CMSS1: variants seen among roughly 807,000 people sequenced by gnomAD.
The protein encoded by CMSS1 is cms1 ribosomal small subunit homolog, also known as protein CMSS1.
In CMSS1, 33 loss-of-function variants were observed where a neutral mutation model predicts 43.5. The observed-to-expected ratio is 0.76, with a 90% CI of 0.57 to 1.01. The LOEUF (loss-of-function observed/expected upper bound fraction) is 1.01. CMSS1 is among the 50% of genes least tolerant of loss of function. The pLI, the probability that CMSS1 is intolerant of heterozygous loss-of-function variation, is 0.00. For synonymous variants in CMSS1, 115 were observed against 117.2 expected, an observed-to-expected ratio of 0.98 and a Z score of 0.12; for missense variants, 313 against 326.4, an observed-to-expected ratio of 0.96 and a Z score of 0.32.
intron 1 of CMSS1, among the ~76,000 whole-genome samples, chr3:100,026,941 C>T (rs1466933505): frequency 6.6e-6 from 1 of 152,114 alleles, no homozygotes; most frequent in Non-Finnish European, 1.5e-5. Flanking sequence ...TCTCCGACCT[C>T]ATCTCTGCAG....
chr3:99,829,926 A>T (rs1487252591), intron 1 of CMSS1, among the ~76,000 whole-genome samples: 2 of 152,212 alleles, frequency 1.3e-5, no homozygotes, highest in African/African-American at 4.8e-5. Context: ...TAAAGAAATC[A>T]TAGTTTTAGA....
chr3:99,914,113 A>G (rs1026887968), intron 1 of CMSS1, among the ~76,000 whole-genome samples: 2 of 152,218 alleles, frequency 1.3e-5, no homozygotes, highest in Non-Finnish European at 2.9e-5. Flanking sequence ...ACTATTTTCA[A>G]CAAATCAGAC....
At chr3:99,969,924 A>G (rs549686723) in intron 1 of CMSS1, among the ~76,000 whole-genome samples, 2 of 152,348 alleles carry the variant, frequency 1.3e-5, no homozygotes, top group Admixed American at 6.5e-5. Flanking sequence ...GGGGACATCA[A>G]TGAGAAAAGA....
At chr3:99,957,463 T>C (rs76578967) in intron 1 of CMSS1, among the ~76,000 whole-genome samples, 1 of 151,922 alleles carries the variant, frequency 6.6e-6, no homozygotes, top group Non-Finnish European at 1.5e-5. Context: ...TATATATATA[T>C]AGAGAGAGAG....
chr3:100,174,307 T>A (rs978620441), intron 8 of CMSS1, among the ~76,000 whole-genome samples: 4 of 152,082 alleles, frequency 2.6e-5, no homozygotes, highest in African/African-American at 9.7e-5. Flanking sequence ...TAGCTAAAGA[T>A]TCACCACCAG....
intron 1 of CMSS1, among the ~76,000 whole-genome samples, chr3:100,082,806 T>G (rs1576034927): frequency 6.6e-6 from 1 of 152,334 alleles, no homozygotes; most frequent in East Asian, 1.9e-4. Context: ...AGCATGGTAG[T>G]CATAGACTTA....
At chr3:99,952,384 A>T (rs1708203246) in intron 1 of CMSS1, among the ~76,000 whole-genome samples, 1 of 152,152 alleles carries the variant, frequency 6.6e-6, no homozygotes, top group Non-Finnish European at 1.5e-5. Flanking sequence ...GCCAGTCATT[A>T]TGTCTGTTCA....
At chr3:100,087,128 GT>G (rs750717246) in intron 1 of CMSS1, among the ~76,000 whole-genome samples, 2 of 152,196 alleles carry the variant, frequency 1.3e-5, no homozygotes, top group Non-Finnish European at 2.9e-5. Flanking sequence ...TTTATTTTCT[GT>G]TTGGGGCAAT....
intron 1 of CMSS1, among the ~76,000 whole-genome samples, chr3:100,013,216 GTT>G (rs1491564823): frequency 3.4e-5 from 4 of 119,182 alleles, no homozygotes; most frequent in African/African-American, 7.1e-5. Flanking sequence ...CCAGTGAGGT[GTT>G]GTTGTTGTTG....
At chr3:99,930,743 A>G (rs1186338970) in intron 1 of CMSS1, 1 of 1,608,828 alleles carries the variant, frequency 6.2e-7, no homozygotes, top group Admixed American at 1.7e-5. Flanking sequence ...TTGAAGCATG[A>G]TGGGGATAAC....
intron 1 of CMSS1, among the ~76,000 whole-genome samples, chr3:99,856,983 C>G (rs1471989570): frequency 6.6e-6 from 1 of 152,070 alleles, no homozygotes; most frequent in Non-Finnish European, 1.5e-5. Flanking sequence ...TACAGTCAAC[C>G]CTACTAAAAT....
chr3:100,075,998 G>A (rs28503408), intron 1 of CMSS1, among the ~76,000 whole-genome samples: 32,083 of 152,080 alleles, frequency 0.21, 3,521 homozygotes, highest in South Asian at 0.26. Flanking sequence ...ACAAAACTAT[G>A]TAATTTCTAA....
chr3:100,074,316 C>T (rs2065811925), intron 1 of CMSS1, among the ~76,000 whole-genome samples: 1 of 152,164 alleles, frequency 6.6e-6, no homozygotes, highest in African/African-American at 2.4e-5. Context: ...TTGCTGAATC[C>T]CTACACTCTG....
chr3:100,014,442 T>C (rs903241745), intron 1 of CMSS1, among the ~76,000 whole-genome samples: 4 of 152,126 alleles, frequency 2.6e-5, no homozygotes, highest in African/African-American at 9.7e-5. Context: ...ATAGCTATTA[T>C]AATTTACATT....
intron 1 of CMSS1, among the ~76,000 whole-genome samples, chr3:99,886,315 C>T (rs984407257): frequency 9.4e-5 from 14 of 149,066 alleles, no homozygotes; most frequent in African/African-American, 1.7e-4. Context: ...GAGTGTAAAG[C>T]AGGGATGTCC....
At chr3:100,060,092 TGTGCCGG>T (rs1235580062) in intron 1 of CMSS1, among the ~76,000 whole-genome samples, 1 of 152,080 alleles carries the variant, frequency 6.6e-6, no homozygotes, top group Non-Finnish European at 1.5e-5. Context: ...TGCCCTCAGC[TGTGCCGG>T]GTATGGTAAA....
chr3:99,845,958 A>G (rs1943345187), intron 1 of CMSS1, among the ~76,000 whole-genome samples: 1 of 152,244 alleles, frequency 6.6e-6, no homozygotes, highest in Admixed American at 6.5e-5. Context: ...AAAATCTGGA[A>G]CAAATGATTA....
intron 1 of CMSS1, chr3:99,850,961 CA>C: frequency 6.2e-7 from 1 of 1,614,160 alleles, no homozygotes; most frequent in Non-Finnish European, 8.5e-7. Context: ...ACCATCAAAG[CA>C]AAAGACTTCA....
intron 1 of CMSS1, among the ~76,000 whole-genome samples, chr3:100,137,239 A>G (rs1274776494): frequency 2.0e-5 from 3 of 152,234 alleles, no homozygotes; most frequent in Non-Finnish European, 4.4e-5. Context: ...ATCCAGCATT[A>G]CTTTTCAGTG....
Sources: gnomAD v4.1 joint callset for allele counts (sites outside exome capture counted in the v4.1 genomes callset) on GRCh38, gnomAD v4.1.1 for gene constraint, MANE v1.5 for transcripts, NCBI Gene and HGNC (gene_info 2026-07-23, HGNC 2026-07-21) for gene names.